Variants in CCNH observed in about 807,000 individuals in gnomAD.
CCNH encodes the protein cyclin-H.
In CCNH, 31 loss-of-function variants were observed where a neutral mutation model predicts 41.9. That is an observed-to-expected ratio of 0.74 (90% CI 0.56 to 1.00). CCNH has a LOEUF of 1.00. Ranked by LOEUF, CCNH falls within the 50% of genes least tolerant of loss-of-function variation. The probability of loss-of-function intolerance (pLI) is 0.00; values close to 1 mark genes in which losing one functional copy is unlikely to be tolerated. For synonymous variants in CCNH, 138 were observed against 136.1 expected, an observed-to-expected ratio of 1.01 and a Z score of -0.10; for missense variants, 362 against 388.4, an observed-to-expected ratio of 0.93 and a Z score of 0.57.
At chr5:87,363,994 T>C (rs1303321599) in intron 9 of CCNH, among the ~76,000 whole-genome samples, 2 of 152,154 alleles carry the variant, frequency 1.3e-5, no homozygotes, top group Admixed American at 1.3e-4. Context: ...TGAATATAAA[T>C]GTATAAGCTG....
chr5:87,405,134 A>G, intron 4 of CCNH, 127 bp from the exon 5 acceptor site: 2 of 633,876 alleles, frequency 3.2e-6, no homozygotes, highest in Non-Finnish European at 5.4e-6. Flanking sequence ...CTAGCACAGT[A>G]ATTGACACTG....
At chr5:87,359,984 T>C (rs182633287) in intron 9 of CCNH, among the ~76,000 whole-genome samples, 10 of 152,320 alleles carry the variant, frequency 6.6e-5, no homozygotes, top group Admixed American at 5.9e-4. Context: ...AGATTTGAAA[T>C]CAGATACTTG....
Position 87,412,842 on chromosome 5 carries a change from C to T in CCNH, c.-48G>A, listed in dbSNP as rs1349111314. ...GAGGGTCTGCAGACGAGAACCCAAA[C>T]GCATCAGCGTCCTGGCGTAAAACAC... On this transcript the variant is annotated 5_prime_UTR_variant, in exon 1 of 9. Coordinates refer to ENST00000256897, the MANE Select transcript of CCNH (RefSeq NM_001239.4). 1 of 1,595,360 alleles carries T rather than the reference C, an allele frequency of 6.3e-7. No homozygotes were observed. The highest frequency in any genetic ancestry group is 1.1e-5 in the South Asian group (1 of 90,694).
chr5:87,343,473 A>T (rs548146060), intron 9 of CCNH, among the ~76,000 whole-genome samples: 22 of 152,286 alleles, frequency 1.4e-4, no homozygotes, highest in Admixed American at 7.8e-4. Flanking sequence ...AATGCTCACC[A>T]TTCATTACTA....
chr5:87,370,956 A>G (rs1471609410), intron 9 of CCNH, among the ~76,000 whole-genome samples: 1 of 152,162 alleles, frequency 6.6e-6, no homozygotes, highest in Non-Finnish European at 1.5e-5. Flanking sequence ...CATGTAATGC[A>G]CATAAAATTT....
chr5:87,377,991 T>A (rs1198503927), upstream of CCNH, among the ~76,000 whole-genome samples: 1 of 152,216 alleles, frequency 6.6e-6, no homozygotes, highest in Non-Finnish European at 1.5e-5. Context: ...AATAAATTAA[T>A]CTATACTGGG....
At chr5:87,355,574 T>G (rs934032355) in intron 9 of CCNH, among the ~76,000 whole-genome samples, 1 of 152,236 alleles carries the variant, frequency 6.6e-6, no homozygotes, top group African/African-American at 2.4e-5. Flanking sequence ...ACAAGGAGAT[T>G]GTTGTTTTCA....
rs1757109676 is a variant in CCNH, at chr5:87,324,900, A to C, written c.*91-6003T>G. On this transcript the variant is annotated intron_variant and NMD_transcript_variant, in intron 9 of 9. Coordinates refer to the CCNH transcript ENST00000645953. ...CAAGTAAAGTCACTTAGTATGAGAT[A>C]AATTTTCTTTACTTTCCTCTTCACT... Among the ~76,000 whole-genome samples, 3 of 152,152 alleles carry C rather than the reference A, an allele frequency of 2.0e-5. No individual in the cohort carries two copies. In the South Asian group the frequency reaches 6.2e-4, roughly 32 times the overall value.
chr5:87,367,497 A>G (rs558224748), intron 9 of CCNH, among the ~76,000 whole-genome samples: 1 of 152,288 alleles, frequency 6.6e-6, no homozygotes, highest in South Asian at 2.1e-4. Context: ...TTGGATGGCA[A>G]TGCTGTTTTC....
intron 6 of CCNH, 142 bp from the exon 7 acceptor site, chr5:87,399,647 C>T (rs1464522562): frequency 3.1e-6 from 2 of 642,988 alleles, no homozygotes; most frequent in African/African-American, 3.6e-5. Context: ...CATCATTCTG[C>T]ATTTCATTCT....
At chr5:87,321,371 G>A (rs1756789930) in intron 9 of CCNH, among the ~76,000 whole-genome samples, 1 of 152,138 alleles carries the variant, frequency 6.6e-6, no homozygotes, top group African/African-American at 2.4e-5. Context: ...ATTCATTTCT[G>A]TCACTACCTA....
chr5:87,392,538 CTCCTTCCTTG>C, downstream of CCNH: 1 of 350,422 alleles, frequency 2.9e-6, no homozygotes, highest in Non-Finnish European at 5.6e-6. Flanking sequence ...CCCAGGTGGT[CTCCTTCCTTG>C]GTTACATGAT....
At chr5:87,319,263 A>T (rs1335643327) in intron 9 of CCNH, among the ~76,000 whole-genome samples, 1 of 152,176 alleles carries the variant, frequency 6.6e-6, no homozygotes, top group Non-Finnish European at 1.5e-5. Context: ...CTGGAGGATG[A>T]TGGCCCTCTT....
At chr5:87,329,281 C>CAAAAAAAAAAAAAA (rs571157213) in intron 9 of CCNH, among the ~76,000 whole-genome samples, 2 of 119,158 alleles carry the variant, frequency 1.7e-5, no homozygotes, top group Non-Finnish European at 1.8e-5. Context: ...TCTGTCTCTC[C>CAAAAAAAAAAAAAA]AAAAAAAAAA....
intron 9 of CCNH, chr5:87,369,877 G>A: frequency 6.2e-7 from 1 of 1,610,828 alleles, no homozygotes; most frequent in Non-Finnish European, 8.5e-7. Context: ...TTACTTTGCA[G>A]GAGAAACTCC....
upstream of CCNH, among the ~76,000 whole-genome samples, chr5:87,381,168 C>T (rs189093039): frequency 1.4e-4 from 21 of 152,208 alleles, no homozygotes; most frequent in Non-Finnish European, 2.9e-4. Context: ...TGGGAGCTTA[C>T]GTAAGGTTAC....
In CCNH at chr5:87,412,862, A is replaced by C; in HGVS notation, c.-68T>G. 6.3e-7 allele frequency: 1 copy of C among 1,583,208 alleles called. No homozygotes were observed. The highest frequency in any genetic ancestry group is 8.6e-7 in the Non-Finnish European group (1 of 1,159,708). The stretch of plus-strand genomic sequence containing the variant: ...CCAAACGCATCAGCGTCCTGGCGTA[A>C]AACACCCGTACCCCCACCGAAGATC... On this transcript the variant is annotated 5_prime_UTR_variant, in exon 1 of 9. Transcript: ENST00000256897.
At chr5:87,328,370 A>G (rs563882162) in intron 9 of CCNH, among the ~76,000 whole-genome samples, 42 of 152,168 alleles carry the variant, frequency 2.8e-4, no homozygotes, top group African/African-American at 9.9e-4. Context: ...ATCTACTTTT[A>G]AAGAGATATA....
At chr5:87,319,235 G>A (rs1756589365) in intron 9 of CCNH, among the ~76,000 whole-genome samples, 1 of 152,218 alleles carries the variant, frequency 6.6e-6, no homozygotes, top group Non-Finnish European at 1.5e-5. Flanking sequence ...GCTGTCAGTG[G>A]ATCTACCCTT....
Sources: allele counts gnomAD v4.1 joint callset (sites outside exome capture counted in the v4.1 genomes callset), GRCh38; gene constraint gnomAD v4.1.1; transcripts MANE v1.5; gene names NCBI Gene and HGNC (gene_info 2026-07-23, HGNC 2026-07-21).